The following CDH9 variants were observed in gnomAD, a reference collection of about 807,000 sequenced individuals.
CDH9 encodes the protein cadherin-9.
In CDH9, 28 loss-of-function variants were observed where a neutral mutation model predicts 70.9. That is an observed-to-expected ratio of 0.40 (90% confidence interval 0.29 to 0.54). The LOEUF is 0.54. Ranked by LOEUF, CDH9 falls within the 20% of genes least tolerant of loss-of-function variation. The pLI is 0.59. For synonymous variants in CDH9, 409 were observed against 343.1 expected (o/e 1.19, Z -2.12); for missense variants, 874 against 984.4 (o/e 0.89, Z 1.50).
chr5:26,981,393 T>C (rs62344066), intron 2 of CDH9, among the ~76,000 whole-genome samples: 71,970 of 151,884 alleles, frequency 0.47, 17,873 homozygotes, highest in African/African-American at 0.52. Flanking sequence ...AAACAATTGT[T>C]ATACTATATT....
intron 2 of CDH9, among the ~76,000 whole-genome samples, chr5:26,922,773 T>A (rs572675340): frequency 6.6e-6 from 1 of 151,562 alleles, no homozygotes; most frequent in African/African-American, 2.4e-5. Context: ...AAACAACCAA[T>A]TAAAAATAAC....
chr5:26,943,512 CAAAAAA>C (rs5866812), intron 2 of CDH9, among the ~76,000 whole-genome samples: 1 of 122,204 alleles, frequency 8.2e-6, no homozygotes, highest in African/African-American at 3.1e-5. Context: ...GACTCCATCT[CAAAAAA>C]AAAAAAAAAA....
intron 7 of CDH9, among the ~76,000 whole-genome samples, chr5:26,899,153 C>G (rs547402732): frequency 8.6e-5 from 13 of 151,878 alleles, no homozygotes; most frequent in Non-Finnish European, 1.9e-4. Context: ...TGGCAACCAT[C>G]AAAAAGTGAG....
At chr5:26,950,228 G>A (rs1296365726) in intron 2 of CDH9, among the ~76,000 whole-genome samples, 1 of 152,092 alleles carries the variant, frequency 6.6e-6, no homozygotes, top group Non-Finnish European at 1.5e-5. Context: ...TGTGACAAGT[G>A]GAATATTGTT....
At chr5:26,896,943 G>T (rs1740762380) in intron 7 of CDH9, among the ~76,000 whole-genome samples, 1 of 151,926 alleles carries the variant, frequency 6.6e-6, no homozygotes, top group South Asian at 2.1e-4. Context: ...AAGAAGAAAA[G>T]AGAGAAGAAT....
chr5:26,922,247 A>G (rs1190623713), intron 2 of CDH9, among the ~76,000 whole-genome samples: 1 of 152,040 alleles, frequency 6.6e-6, no homozygotes, highest in Non-Finnish European at 1.5e-5. Flanking sequence ...TAGAACACAA[A>G]GCAGATTTAA....
chr5:26,890,720 T>C, intron 7 of CDH9, 156 bp from the exon 8 acceptor site: 1 of 586,178 alleles, frequency 1.7e-6, no homozygotes, highest in South Asian at 2.2e-5. Context: ...AGAATTGTTA[T>C]TTGAGCAATT....
intron 1 of CDH9, among the ~76,000 whole-genome samples, chr5:26,992,730 C>A (rs2112096408): frequency 6.6e-6 from 1 of 152,162 alleles, no homozygotes; most frequent in African/African-American, 2.4e-5. Flanking sequence ...ATGAATAGAT[C>A]ATTGAGGATG....
At chr5:26,928,985 G>A (rs1414704380) in intron 2 of CDH9, among the ~76,000 whole-genome samples, 1 of 151,944 alleles carries the variant, frequency 6.6e-6, no homozygotes, top group Non-Finnish European at 1.5e-5. Context: ...AGCAAAAATG[G>A]ATGAATGGGA....
At chr5:26,974,829 T>C (rs947706924) in intron 2 of CDH9, among the ~76,000 whole-genome samples, 3 of 151,926 alleles carry the variant, frequency 2.0e-5, no homozygotes, top group African/African-American at 7.3e-5. Context: ...TGTGTGTGTG[T>C]GTGCGTGTGT....
intron 1 of CDH9, among the ~76,000 whole-genome samples, chr5:27,026,846 G>A (rs926324951): frequency 6.6e-6 from 1 of 151,934 alleles, no homozygotes; most frequent in African/African-American, 2.4e-5. Context: ...TTACTTGCAA[G>A]TATGCAATCA....
intron 1 of CDH9, among the ~76,000 whole-genome samples, chr5:27,037,053 A>C (rs1743405597): frequency 6.6e-6 from 1 of 151,980 alleles, no homozygotes; most frequent in Non-Finnish European, 1.5e-5. Context: ...GTAGTGTCTG[A>C]ATGTGGAAAA....
intron 3 of CDH9, among the ~76,000 whole-genome samples, chr5:26,909,484 A>G (rs1447392874): frequency 6.6e-6 from 1 of 151,208 alleles, no homozygotes. Context: ...ACAAATTTAT[A>G]TATTGCATCT....
intron 2 of CDH9, among the ~76,000 whole-genome samples, chr5:26,958,938 A>G (rs1022140552): frequency 2.6e-5 from 4 of 152,178 alleles, no homozygotes; most frequent in African/African-American, 9.6e-5. Flanking sequence ...AATCTTCATG[A>G]CCTGAATTTG....
intron 2 of CDH9, among the ~76,000 whole-genome samples, chr5:26,924,224 G>A (rs1741296949): frequency 6.6e-6 from 1 of 151,900 alleles, no homozygotes; most frequent in South Asian, 2.1e-4. Flanking sequence ...TATTACGACT[G>A]AGACCAGAGA....
chr5:27,035,955 A>G (rs1331691490), intron 1 of CDH9, among the ~76,000 whole-genome samples: 1 of 151,854 alleles, frequency 6.6e-6, no homozygotes, highest in Non-Finnish European at 1.5e-5. Context: ...AGTTACAGCC[A>G]ATGTTTATTC....
At chr5:27,033,346 TTC>T (rs1367250920) in intron 1 of CDH9, among the ~76,000 whole-genome samples, 7 of 151,422 alleles carry the variant, frequency 4.6e-5, no homozygotes, top group African/African-American at 1.7e-4. Flanking sequence ...TGTGCTTTCT[TTC>T]TGTTTTCCAT....
At chr5:26,921,982 C>T (rs1384360227) in intron 2 of CDH9, among the ~76,000 whole-genome samples, 4 of 140,462 alleles carry the variant, frequency 2.8e-5, no homozygotes, top group African/African-American at 1.1e-4. Flanking sequence ...ACAGAAGAAA[C>T]AATTAGCTTG....
At chr5:27,035,013 T>C (rs1031837434) in intron 1 of CDH9, among the ~76,000 whole-genome samples, 3 of 151,458 alleles carry the variant, frequency 2.0e-5, no homozygotes, top group South Asian at 4.1e-4. Context: ...TTTTCAATAA[T>C]CTATACAACT....
Sources: gnomAD v4.1 joint callset for allele counts (sites outside exome capture counted in the v4.1 genomes callset) on GRCh38, gnomAD v4.1.1 for gene constraint, MANE v1.5 for transcripts, NCBI Gene and HGNC (gene_info 2026-07-23, HGNC 2026-07-21) for gene names.